The following CBL variants were observed in gnomAD, a reference collection of about 807,000 sequenced individuals.
CBL encodes the protein E3 ubiquitin-protein ligase CBL.
In CBL, 45 loss-of-function variants were observed where a neutral mutation model predicts 96.9. The ratio of observed to expected loss-of-function variants is 0.46; its 90% CI spans 0.37 to 0.60. The LOEUF is 0.60. CBL is among the 20% of genes least tolerant of loss of function. The pLI, the probability that CBL is intolerant of heterozygous loss-of-function variation, is 0.00. For missense variants in CBL, 1,024 were observed against 1,143.5 expected, an observed-to-expected ratio of 0.90 and a Z score of 1.51; for synonymous variants, 420 against 426.8, an observed-to-expected ratio of 0.98 and a Z score of 0.20.
chr11:119,243,813 C>T (rs932291608), intron 2 of CBL, among the ~76,000 whole-genome samples: 2 of 152,072 alleles, frequency 1.3e-5, no homozygotes, highest in Non-Finnish European at 2.9e-5. Context: ...ATTGCAGCCT[C>T]AGCCTCCCAG....
Position 119,283,625 on chromosome 11 carries a change from C to CTTTTTTTTTTTTTTTTTTTTTTTTTT in CBL, c.1432-1339_1432-1314dup, listed in dbSNP as rs398017760. 4.6e-4 allele frequency among the ~76,000 whole-genome samples: 21 copies of CTTTTTTTTTTTTTTTTTTTTTTTTTT among 45,528 alleles called. 2 individuals are homozygous for CTTTTTTTTTTTTTTTTTTTTTTTTTT. Among genetic ancestry groups the CTTTTTTTTTTTTTTTTTTTTTTTTTT allele is most frequent in the South Asian group, 1.4e-3 (1 of 702 alleles). The allele number at this position is 45,528 out of a possible 152,430, so 29.9% of individuals were successfully genotyped here. On this transcript the variant is annotated intron_variant, in intron 9 of 15. Transcript: ENST00000264033. The stretch of plus-strand genomic sequence containing the variant: ...AAATATTAATCCTTTTTAATTCTTT[C>CTTTTTTTTTTTTTTTTTTTTTTTTTT]TTTTTTTTTTTTTTTTTTTTTTTTT...
intron 5 of CBL, among the ~76,000 whole-genome samples, chr11:119,275,377 G>A (rs1165462750): frequency 6.6e-6 from 1 of 152,094 alleles, no homozygotes; most frequent in African/African-American, 2.4e-5. Flanking sequence ...GGTGGAGGTT[G>A]CAGTGAGCCG....
At chr11:119,274,708 A>G in intron 4 of CBL, 124 bp from the exon 5 acceptor site, 1 of 861,714 alleles carries the variant, frequency 1.2e-6, no homozygotes, top group Non-Finnish European at 1.9e-6. Context: ...TCTCTGAGTG[A>G]TGGTATAATT....
At chr11:119,290,198 A>G (rs960759144) in intron 12 of CBL, among the ~76,000 whole-genome samples, 13 of 151,648 alleles carry the variant, frequency 8.6e-5, no homozygotes, top group African/African-American at 3.2e-4. Context: ...GATGCGAACT[A>G]CCACACTCAG....
intron 1 of CBL, among the ~76,000 whole-genome samples, chr11:119,224,711 C>G (rs899859779): frequency 2.6e-5 from 4 of 152,002 alleles, no homozygotes; most frequent in African/African-American, 7.3e-5. Context: ...CTGCGTCAGC[C>G]TCCTGAGTAG....
chr11:119,206,714 T>G, intron 1 of CBL, 102 bp downstream of exon 1: 3 of 863,918 alleles, frequency 3.5e-6, no homozygotes, highest in Middle Eastern at 5.0e-4. Flanking sequence ...GGGACGGGTC[T>G]GGTGAAGCCG....
chr11:119,280,520 G>A (rs755311380), intron 9 of CBL, among the ~76,000 whole-genome samples: 27 of 151,900 alleles, frequency 1.8e-4, no homozygotes, highest in Non-Finnish European at 3.7e-4. Context: ...TTCACATCCT[G>A]GTAGATGTTG....
intron 2 of CBL, among the ~76,000 whole-genome samples, chr11:119,260,939 C>T (rs1229951343): frequency 1.0e-4 from 9 of 89,920 alleles, no homozygotes; most frequent in East Asian, 4.3e-4. Context: ...TAAATCTCTA[C>T]TTTTTTTTTT....
At chr11:119,268,647 G>GAGA (rs1949820710) in intron 2 of CBL, among the ~76,000 whole-genome samples, 1 of 152,204 alleles carries the variant, frequency 6.6e-6, no homozygotes, top group African/African-American at 2.4e-5. Flanking sequence ...AAAGGAACAG[G>GAGA]AGAGAGTACA....
chr11:119,231,184 C>G (rs770161626), intron 1 of CBL, among the ~76,000 whole-genome samples: 8 of 151,984 alleles, frequency 5.3e-5, no homozygotes, highest in Non-Finnish European at 8.8e-5. Context: ...TGGCAGATCA[C>G]CTAAGGTCAG....
intron 1 of CBL, among the ~76,000 whole-genome samples, chr11:119,230,413 T>TA (rs1292495562): frequency 1.2e-4 from 19 of 152,360 alleles, no homozygotes; most frequent in African/African-American, 3.8e-4. Context: ...GTGCTGGGAT[T>TA]ACAAGCGTGA....
At position 119,246,937 on chromosome 11, in the gene CBL, T is replaced by C. The variant is rs377020038; in HGVS notation, c.443+14242T>C. Among the ~76,000 whole-genome samples the C allele has an allele frequency of 5.3e-5, 8 of 152,370 alleles. No homozygotes were observed. The South Asian group carries it at 1.7e-3, about 32-fold the overall frequency. On this transcript the variant is annotated intron_variant, in intron 2 of 15. Transcript: ENST00000264033. Reference sequence around the variant, plus strand: ...ATAGAGATTTTTCCATATATTGATATATATCAAAACATTAAATTCATTAAT... The same window carrying C: ...ATAGAGATTTTTCCATATATTGATACATATCAAAACATTAAATTCATTAAT...
chr11:119,281,651 C>T (rs757748047), intron 9 of CBL, among the ~76,000 whole-genome samples: 9 of 151,960 alleles, frequency 5.9e-5, no homozygotes, highest in Admixed American at 5.2e-4. Context: ...CCTGCCACCA[C>T]GCCTGGCTAA....
At chr11:119,256,910 A>G (rs1949716361) in intron 2 of CBL, among the ~76,000 whole-genome samples, 1 of 152,004 alleles carries the variant, frequency 6.6e-6, no homozygotes, top group Admixed American at 6.6e-5. Flanking sequence ...ATTTTTTTCT[A>G]TGGCTGAGCA....
chr11:119,233,470 G>A (rs538652958), intron 2 of CBL, among the ~76,000 whole-genome samples: 34 of 152,298 alleles, frequency 2.2e-4, no homozygotes, highest in African/African-American at 8.2e-4. Flanking sequence ...CTGACTTCAG[G>A]TGATCTGCCC....
chr11:119,208,092 T>C lies in CBL; in HGVS notation c.195+1480T>C, dbSNP rs115952374. 5.4e-3 allele frequency among the ~76,000 whole-genome samples: 820 copies of C among 152,308 alleles called. 4 individuals carry two copies. Among genetic ancestry groups the C allele is most frequent in the African/African-American group, 0.017 (719 of 41,556 alleles). On this transcript the variant is annotated intron_variant, in intron 1 of 15. Transcript: ENST00000264033. ...GATTATATTGGTGGTGTAGTACTAA[T>C]TTTATTGTTAGAAATTATAATAAAA...
At chr11:119,206,929 G>A (rs1331510807) in intron 1 of CBL, among the ~76,000 whole-genome samples, 1 of 152,090 alleles carries the variant, frequency 6.6e-6, no homozygotes, top group African/African-American at 2.4e-5. Context: ...AATGAGGGGT[G>A]CGGAGTTTGG....
intron 15 of CBL, among the ~76,000 whole-genome samples, chr11:119,298,793 T>G (rs1024884071): frequency 2.6e-5 from 4 of 152,206 alleles, no homozygotes; most frequent in Non-Finnish European, 5.9e-5. Context: ...GATTTATAGT[T>G]TCTCTGAGTA....
chr11:119,264,655 T>G (rs934152091), intron 2 of CBL, among the ~76,000 whole-genome samples: 3 of 150,954 alleles, frequency 2.0e-5, no homozygotes, highest in Non-Finnish European at 4.4e-5. Flanking sequence ...CTGATTTTTG[T>G]TTTTTTTGTA....
Sources: gnomAD v4.1 joint callset for allele counts (sites outside exome capture counted in the v4.1 genomes callset) on GRCh38, gnomAD v4.1.1 for gene constraint, MANE v1.5 for transcripts, NCBI Gene and HGNC (gene_info 2026-07-23, HGNC 2026-07-21) for gene names.